The following ATXN1 variants were observed in gnomAD, a reference collection of about 807,000 sequenced individuals.
ATXN1 encodes the protein ataxin 1.
In ATXN1, 8 loss-of-function variants were observed where a neutral mutation model predicts 56.4. The ratio of observed to expected loss-of-function variants is 0.14; its 90% CI spans 0.08 to 0.26. The LOEUF is 0.26. Ranked by LOEUF, ATXN1 falls within the 10% of genes least tolerant of loss-of-function variation. The probability of loss-of-function intolerance (pLI) is 1.00; values close to 1 mark genes in which losing one functional copy is unlikely to be tolerated. For missense variants in ATXN1, 987 were observed against 1,106.5 expected (o/e 0.89, Z 1.53); for synonymous variants, 514 against 494.6 (o/e 1.04, Z -0.52).
chr6:16,732,167 T>C (rs1441049955), intron 2 of ATXN1, among the ~76,000 whole-genome samples: 1 of 152,140 alleles, frequency 6.6e-6, no homozygotes, highest in Non-Finnish European at 1.5e-5. Context: ...ATAATTTTTC[T>C]CCAAGCAAAA....
chr6:16,530,538 T>C (rs968446282), intron 4 of ATXN1, among the ~76,000 whole-genome samples: 26 of 152,172 alleles, frequency 1.7e-4, no homozygotes, highest in African/African-American at 5.8e-4. Context: ...GAATCTTATT[T>C]GGACTGTACA....
intron 2 of ATXN1, among the ~76,000 whole-genome samples, chr6:16,735,811 A>T (rs1182585562): frequency 6.6e-6 from 1 of 152,330 alleles, no homozygotes; most frequent in East Asian, 1.9e-4. Flanking sequence ...CAACAGTGCG[A>T]GACTCCATCT....
chr6:16,690,547 T>C lies in ATXN1; in HGVS notation c.-614-32646A>G, dbSNP rs565801030. Among the ~76,000 whole-genome samples, 20 of 152,294 alleles carry C rather than the reference T, an allele frequency of 1.3e-4. No individual in the cohort carries two copies. In the East Asian group the frequency reaches 3.9e-3, roughly 29 times the overall value. Reference sequence around the variant, plus strand: ...TAGAAGTCCCAACACATTGATGATATGTTATAAACCAGGGGAGAGGATAAT... The same window carrying C: ...TAGAAGTCCCAACACATTGATGATACGTTATAAACCAGGGGAGAGGATAAT... On this transcript the variant is annotated intron_variant, in intron 2 of 7. Transcript: ENST00000436367.
intron 6 of ATXN1, among the ~76,000 whole-genome samples, chr6:16,394,524 T>G (rs1758415421): frequency 6.6e-6 from 1 of 152,222 alleles, no homozygotes; most frequent in Non-Finnish European, 1.5e-5. Context: ...ATTAGCATAT[T>G]TTTCACTTCA....
intron 6 of ATXN1, among the ~76,000 whole-genome samples, chr6:16,433,318 C>T (rs995702027): frequency 2.0e-5 from 3 of 152,172 alleles, no homozygotes; most frequent in Admixed American, 2.0e-4. Flanking sequence ...CTTCTGAATA[C>T]TTCTTTTTGG....
At chr6:16,552,820 G>A (rs189178208) in intron 4 of ATXN1, among the ~76,000 whole-genome samples, 112 of 152,306 alleles carry the variant, frequency 7.4e-4, no homozygotes, top group African/African-American at 2.3e-3. Context: ...TGCACTCTGC[G>A]CTTCCACATC....
chr6:16,328,472 TG>T lies in ATXN1; in HGVS notation c.-160-3del. ...ATCCGCCAACAGCAGCTCTGGATGC[TG>T]GGAAAGGGAAGAGGGCAGTGACAAA... On this transcript the variant is annotated splice_region_variant and splice_polypyrimidine_tract_variant and intron_variant, in intron 6 of 7. Coordinates refer to ENST00000436367, the MANE Select transcript of ATXN1 (RefSeq NM_001128164.2). This position sits in a 1 kb window ranked among gnomAD's most constrained non-coding sequence, Gnocchi z 6.2. 8.0e-7 allele frequency: 1 copy of T among 1,242,966 alleles called. No homozygotes were observed. Among genetic ancestry groups the T allele is most frequent in the East Asian group, 2.8e-5 (1 of 35,282 alleles). 77.0% of individuals were successfully genotyped at this position (1,242,966 alleles called of 1,614,324 possible). A position where few individuals can be genotyped will look rare whatever the true frequency, so the allele number is the denominator to read the frequency against.
At chr6:16,694,456 G>A (rs1759117857) in intron 2 of ATXN1, among the ~76,000 whole-genome samples, 1 of 151,890 alleles carries the variant, frequency 6.6e-6, no homozygotes, top group Admixed American at 6.6e-5. Context: ...GTTTCACCAT[G>A]TTGCCCAGGC....
chr6:16,594,055 T>C (rs932004268), intron 3 of ATXN1, among the ~76,000 whole-genome samples: 4 of 149,186 alleles, frequency 2.7e-5, no homozygotes, highest in Non-Finnish European at 4.4e-5. Context: ...ATTAGTTCAA[T>C]TATTATATAT....
intron 6 of ATXN1, among the ~76,000 whole-genome samples, chr6:16,381,324 C>T (rs1449286257): frequency 6.6e-6 from 1 of 152,100 alleles, no homozygotes; most frequent in African/African-American, 2.4e-5. Context: ...GGCACACAGG[C>T]AGAGTGCTCT....
At chr6:16,479,485 T>C (rs1760392416) in intron 6 of ATXN1, among the ~76,000 whole-genome samples, 1 of 152,244 alleles carries the variant, frequency 6.6e-6, no homozygotes, top group Admixed American at 6.5e-5. Context: ...TGGTTAATAT[T>C]TTTATGGTAT....
intron 4 of ATXN1, among the ~76,000 whole-genome samples, chr6:16,545,930 T>C (rs72825518): frequency 0.012 from 1,784 of 152,362 alleles, 17 homozygotes; most frequent in Non-Finnish European, 0.019. Context: ...GAATTTATTA[T>C]GAAAGCACAG....
At chr6:16,414,562 T>C (rs1176467301) in intron 6 of ATXN1, among the ~76,000 whole-genome samples, 1 of 152,230 alleles carries the variant, frequency 6.6e-6, no homozygotes, top group Non-Finnish European at 1.5e-5. Flanking sequence ...AACCTGCTTC[T>C]CATAGTTCAA....
chr6:16,665,617 G>A (rs1196555318), intron 2 of ATXN1, among the ~76,000 whole-genome samples: 1 of 152,276 alleles, frequency 6.6e-6, no homozygotes, highest in East Asian at 1.9e-4. Context: ...GATCCCTACT[G>A]GAAGTAAAAG....
At chr6:16,332,405 A>G (rs1159267897) in intron 6 of ATXN1, among the ~76,000 whole-genome samples, 3 of 152,224 alleles carry the variant, frequency 2.0e-5, no homozygotes, top group African/African-American at 7.2e-5. Flanking sequence ...AGGAAGAGAG[A>G]AAAAGAAACG....
chr6:16,439,365 GCCGGGGGCGGGGC>G (rs1561896156), intron 6 of ATXN1, among the ~76,000 whole-genome samples: 38 of 4,636 alleles, frequency 8.2e-3, no homozygotes, highest in Non-Finnish European at 0.014. Flanking sequence ...GGGGGGCGGG[GCCGGGGGCGGGGC>G]GGGAATAAGG....
intron 3 of ATXN1, among the ~76,000 whole-genome samples, chr6:16,618,494 G>T (rs1235908333): frequency 6.6e-6 from 1 of 152,190 alleles, no homozygotes; most frequent in African/African-American, 2.4e-5. Flanking sequence ...ACTTTGGGAG[G>T]CCGAGGCAGA....
chr6:16,342,707 C>T (rs1761280781), intron 6 of ATXN1, among the ~76,000 whole-genome samples: 1 of 152,212 alleles, frequency 6.6e-6, no homozygotes, highest in Non-Finnish European at 1.5e-5. Flanking sequence ...AAAGGAATGA[C>T]ATTCTGTTAC....
At chr6:16,737,321 AT>A (rs1010769261) in intron 2 of ATXN1, 1 of 152,264 alleles carries the variant, frequency 6.6e-6, no homozygotes, top group Non-Finnish European at 1.5e-5. Flanking sequence ...AAGAAGCTTA[AT>A]TATTTTTAAA....
Sources: gnomAD v4.1 joint callset for allele counts (sites outside exome capture counted in the v4.1 genomes callset) on GRCh38, gnomAD v4.1.1 for gene constraint, Gnocchi (gnomAD v3.1) non-coding constraint, MANE v1.5 for transcripts, NCBI Gene and HGNC (gene_info 2026-07-23, HGNC 2026-07-21) for gene names.